Variants in MACROD2 observed in about 807,000 individuals in gnomAD.
MACROD2 encodes mono-ADP ribosylhydrolase 2.
In MACROD2, 36 loss-of-function variants were observed where a neutral mutation model predicts 70.4. That is an observed-to-expected ratio of 0.51 (90% CI 0.39 to 0.68). MACROD2 has a LOEUF of 0.68. Among genes scored for constraint, MACROD2 ranks in the 30% least tolerant of loss-of-function variants. MACROD2 has a pLI of 0.00. For missense variants in MACROD2, 496 were observed against 538.4 expected, an observed-to-expected ratio of 0.92 and a Z score of 0.78; for synonymous variants, 172 against 178.8, an observed-to-expected ratio of 0.96 and a Z score of 0.30.
At chr20:15,175,872 G>T (rs1555789712) in intron 5 of MACROD2, among the ~76,000 whole-genome samples, 1 of 152,184 alleles carries the variant, frequency 6.6e-6, no homozygotes, top group Non-Finnish European at 1.5e-5. Flanking sequence ...AGTTGATGGG[G>T]CAGGAGCCCA....
At chr20:14,625,644 G>A (rs1460285558) in intron 4 of MACROD2, among the ~76,000 whole-genome samples, 1 of 152,118 alleles carries the variant, frequency 6.6e-6, no homozygotes, top group Non-Finnish European at 1.5e-5. Context: ...GTTGCCAAAT[G>A]CCTAATCTGA....
chr20:14,467,789 C>G (rs1366231669), intron 3 of MACROD2, among the ~76,000 whole-genome samples: 1 of 152,110 alleles, frequency 6.6e-6, no homozygotes, highest in African/African-American at 2.4e-5. Flanking sequence ...AGCTGTGTCC[C>G]AAGGATTCTG....
At position 15,214,521 on chromosome 20, in the gene MACROD2, C is replaced by G. The variant is rs560391073; in HGVS notation, c.419-15419C>G. ...TGGTCATCATAGCAAGATTCCATCT[C>G]TAAAAAAACAAAACAAAATGAAACA... On this transcript the variant is annotated intron_variant, in intron 5 of 17. Transcript: ENST00000684519. 6.1e-4 allele frequency among the ~76,000 whole-genome samples: 92 copies of G among 152,042 alleles called. 1 individual carries two copies. The South Asian group carries it at 6.2e-3, about 10-fold the overall frequency.
intron 8 of MACROD2, among the ~76,000 whole-genome samples, chr20:15,848,442 A>G (rs2064259279): frequency 6.6e-6 from 1 of 152,174 alleles, no homozygotes; most frequent in Admixed American, 6.5e-5. Context: ...CCAAGCATGA[A>G]TATTATAGAT....
intron 5 of MACROD2, among the ~76,000 whole-genome samples, chr20:14,959,193 G>A (rs182172552): frequency 3.0e-4 from 46 of 152,196 alleles, no homozygotes; most frequent in Middle Eastern, 3.4e-3. Context: ...GTGCAGTAGC[G>A]CAATCTCGGC....
intron 3 of MACROD2, among the ~76,000 whole-genome samples, chr20:14,111,901 A>G (rs1347782847): frequency 6.6e-6 from 1 of 152,050 alleles, no homozygotes; most frequent in Non-Finnish European, 1.5e-5. Context: ...AGATATCTGC[A>G]CACGCATGTT....
chr20:14,171,407 T>G (rs1164947782), intron 3 of MACROD2, among the ~76,000 whole-genome samples: 2 of 152,212 alleles, frequency 1.3e-5, no homozygotes. Flanking sequence ...TGTTCTTGTT[T>G]CTCTAGTTCC....
intron 6 of MACROD2, among the ~76,000 whole-genome samples, chr20:15,369,107 T>C (rs2045455090): frequency 6.6e-6 from 1 of 152,170 alleles, no homozygotes; most frequent in Admixed American, 6.5e-5. Flanking sequence ...ACATATTTAC[T>C]CACTAGAGAG....
intron 5 of MACROD2, among the ~76,000 whole-genome samples, chr20:15,144,063 T>C (rs1346891516): frequency 6.7e-6 from 1 of 150,324 alleles, no homozygotes; most frequent in African/African-American, 2.4e-5. Flanking sequence ...GGGCCGCGGG[T>C]TGGACGGTGC....
intron 5 of MACROD2, among the ~76,000 whole-genome samples, chr20:14,821,583 C>T (rs906587795): frequency 1.3e-5 from 2 of 152,056 alleles, no homozygotes; most frequent in African/African-American, 2.4e-5. Context: ...ACAATACTTT[C>T]GTAAGCAAAC....
At chr20:14,754,892 T>G (rs1015125722) in intron 5 of MACROD2, among the ~76,000 whole-genome samples, 1 of 150,736 alleles carries the variant, frequency 6.6e-6, no homozygotes, top group Non-Finnish European at 1.5e-5. Flanking sequence ...CTTGAACAAA[T>G]TTTCTATTTT....
At chr20:14,396,247 G>A (rs533252260) in intron 3 of MACROD2, among the ~76,000 whole-genome samples, 1 of 152,288 alleles carries the variant, frequency 6.6e-6, no homozygotes, top group African/African-American at 2.4e-5. Flanking sequence ...TCAAGTGGTT[G>A]ATAGTTTTAT....
chr20:14,849,412 C>T (rs1018553329), intron 5 of MACROD2, among the ~76,000 whole-genome samples: 1 of 152,096 alleles, frequency 6.6e-6, no homozygotes, highest in Non-Finnish European at 1.5e-5. Context: ...ACTCTAACTT[C>T]GGTGTGCTGG....
chr20:15,516,588 C>T (rs144470182), intron 8 of MACROD2, among the ~76,000 whole-genome samples: 5 of 152,170 alleles, frequency 3.3e-5, no homozygotes, highest in East Asian at 3.9e-4. Flanking sequence ...ACTCTGGGTG[C>T]GTTCTGGTTT....
At chr20:14,317,970 G>A (rs181409033) in intron 3 of MACROD2, among the ~76,000 whole-genome samples, 1 of 152,308 alleles carries the variant, frequency 6.6e-6, no homozygotes, top group Non-Finnish European at 1.5e-5. Context: ...GTATGTGTAA[G>A]ACGTCACTAA....
intron 8 of MACROD2, among the ~76,000 whole-genome samples, chr20:15,827,243 A>G (rs2064006995): frequency 6.6e-6 from 1 of 152,204 alleles, no homozygotes; most frequent in Non-Finnish European, 1.5e-5. Context: ...TTTTCAGAAT[A>G]AAGATATCCA....
chr20:14,431,475 A>T (rs938949100), intron 3 of MACROD2, among the ~76,000 whole-genome samples: 4 of 152,218 alleles, frequency 2.6e-5, no homozygotes, highest in Non-Finnish European at 5.9e-5. Flanking sequence ...CATATTTCAC[A>T]AAATTGTTTT....
chr20:14,674,410 T>C (rs146006765), intron 4 of MACROD2, among the ~76,000 whole-genome samples: 119 of 152,312 alleles, frequency 7.8e-4, no homozygotes, highest in Non-Finnish European at 1.4e-3. Flanking sequence ...AAATGAGATA[T>C]AGCCAAAATT....
intron 5 of MACROD2, among the ~76,000 whole-genome samples, chr20:14,741,409 A>T (rs567720348): frequency 3.9e-5 from 6 of 152,192 alleles, no homozygotes; most frequent in South Asian, 2.1e-4. Flanking sequence ...CTCTAAAAAC[A>T]GTGTTGTGAG....
Sources: allele counts gnomAD v4.1 joint callset (sites outside exome capture counted in the v4.1 genomes callset), GRCh38; gene constraint gnomAD v4.1.1; transcripts MANE v1.5; gene names NCBI Gene and HGNC (gene_info 2026-07-23, HGNC 2026-07-21).